The following LGSN variants were observed in gnomAD, a reference collection of about 807,000 sequenced individuals.
LGSN encodes the protein lengsin.
In LGSN, 21 loss-of-function variants were observed where a neutral mutation model predicts 19.5. That is an observed-to-expected ratio of 1.07 (90% confidence interval 0.76 to 1.55). LGSN has a LOEUF of 1.55. Among genes scored for constraint, LGSN ranks in the 40% most tolerant of loss-of-function variants. The probability of loss-of-function intolerance (pLI) is 0.00; values close to 1 mark genes in which losing one functional copy is unlikely to be tolerated. For missense variants in LGSN, 673 were observed against 608.5 expected (o/e 1.11, Z -1.12); for synonymous variants, 257 against 215.6 (o/e 1.19, Z -1.68).
chr6:63,494,522 A>G, the LGSN span, among the ~76,000 whole-genome samples: 1 of 152,206 alleles, frequency 6.6e-6, no homozygotes, highest in East Asian at 1.9e-4. Flanking sequence ...TTACAGATTC[A>G]TATTTGAAGG....
the LGSN span, among the ~76,000 whole-genome samples, chr6:63,471,343 G>C: frequency 6.6e-6 from 1 of 151,724 alleles, no homozygotes; most frequent in African/African-American, 2.4e-5. Flanking sequence ...CTTAGGAACT[G>C]TTGAAGATTA....
At chr6:63,372,685 C>T in the LGSN span, among the ~76,000 whole-genome samples, 5 of 151,982 alleles carry the variant, frequency 3.3e-5, no homozygotes, top group African/African-American at 1.2e-4. Flanking sequence ...ATAGTAAGGA[C>T]TATATCAGCA....
the LGSN span, chr6:63,549,413 C>T: frequency 1.3e-6 from 1 of 751,758 alleles, no homozygotes; most frequent in Non-Finnish European, 2.4e-6. Flanking sequence ...GGCCGTTTCT[C>T]AAACAGGGGA....
the LGSN span, among the ~76,000 whole-genome samples, chr6:63,399,602 G>A: frequency 6.6e-6 from 1 of 151,632 alleles, no homozygotes; most frequent in Non-Finnish European, 1.5e-5. Flanking sequence ...CACCATGTTG[G>A]GCAGGCTGAT....
At chr6:63,322,662 T>C (rs911644442), upstream of LGSN, among the ~76,000 whole-genome samples, 1 of 152,202 alleles carries the variant, frequency 6.6e-6, no homozygotes, top group Non-Finnish European at 1.5e-5. Flanking sequence ...GAACTCCTGT[T>C]CACAAAGGCC....
the LGSN span, among the ~76,000 whole-genome samples, chr6:63,407,247 T>C: frequency 6.6e-6 from 1 of 151,916 alleles, no homozygotes; most frequent in Non-Finnish European, 1.5e-5. Context: ...TTTAGACCAA[T>C]ATCCTTGATG....
chr6:63,411,634 G>A, the LGSN span, among the ~76,000 whole-genome samples: 2 of 152,144 alleles, frequency 1.3e-5, no homozygotes, highest in Non-Finnish European at 2.9e-5. Context: ...GAGCCCAGGA[G>A]TTTGAGCTAA....
the LGSN span, among the ~76,000 whole-genome samples, chr6:63,360,129 C>T: frequency 5.9e-5 from 9 of 152,228 alleles, no homozygotes; most frequent in Middle Eastern, 3.4e-3. Flanking sequence ...GTGAATCTGA[C>T]GATTATGTGT....
intron 1 of LGSN, among the ~76,000 whole-genome samples, chr6:63,299,533 G>A (rs1768105197): frequency 6.6e-6 from 1 of 152,160 alleles, no homozygotes; most frequent in Non-Finnish European, 1.5e-5. Flanking sequence ...CCTTTTAGAA[G>A]TGAAATTTTA....
At chr6:63,324,313 T>C (rs1416365513), upstream of LGSN, among the ~76,000 whole-genome samples, 1 of 142,700 alleles carries the variant, frequency 7.0e-6, no homozygotes, top group African/African-American at 3.1e-5. Flanking sequence ...GGAAACACTG[T>C]TTTTTAAAGA....
At chr6:63,432,098 A>G in the LGSN span, among the ~76,000 whole-genome samples, 2 of 67,118 alleles carry the variant, frequency 3.0e-5, no homozygotes, top group Admixed American at 1.6e-4. Context: ...GGAAAGAAAG[A>G]AAGAAAGAAA....
intron 1 of LGSN, among the ~76,000 whole-genome samples, chr6:63,295,951 G>A (rs1014713500): frequency 4.6e-5 from 7 of 152,170 alleles, no homozygotes; most frequent in African/African-American, 1.7e-4. Flanking sequence ...GGGTCAAAAA[G>A]TATGCTGTAA....
the LGSN span, among the ~76,000 whole-genome samples, chr6:63,500,786 G>A: frequency 6.6e-6 from 1 of 151,666 alleles, no homozygotes. Context: ...GGAGTGCAGT[G>A]ATGCAATCTC....
the LGSN span, among the ~76,000 whole-genome samples, chr6:63,492,384 T>C: frequency 6.6e-6 from 1 of 152,228 alleles, no homozygotes; most frequent in Non-Finnish European, 1.5e-5. Context: ...TTCCACAAAA[T>C]AGGACATGTT....
chr6:63,516,270 A>G, the LGSN span, among the ~76,000 whole-genome samples: 1 of 152,334 alleles, frequency 6.6e-6, no homozygotes, highest in East Asian at 1.9e-4. Context: ...GCAAAAGTAA[A>G]GGCTTCATTG....
the LGSN span, chr6:63,549,463 G>T: frequency 2.5e-6 from 2 of 792,368 alleles, no homozygotes; most frequent in East Asian, 5.0e-5. Flanking sequence ...CACGACAGCA[G>T]GGCCGGAGCC....
chr6:63,541,213 G>A, the LGSN span, among the ~76,000 whole-genome samples: 2 of 152,056 alleles, frequency 1.3e-5, no homozygotes, highest in East Asian at 3.9e-4. Context: ...TCCATTACTA[G>A]TATCAATATC....
At chr6:63,516,215 T>A in the LGSN span, among the ~76,000 whole-genome samples, 2 of 152,200 alleles carry the variant, frequency 1.3e-5, no homozygotes, top group African/African-American at 4.8e-5. Context: ...GGCAATTCTC[T>A]AAACCTGTCA....
the LGSN span, among the ~76,000 whole-genome samples, chr6:63,387,779 C>T: frequency 1.2e-4 from 18 of 152,054 alleles, no homozygotes; most frequent in African/African-American, 3.6e-4. Flanking sequence ...CTCAGTCTCC[C>T]AGGCTCAAGC....
Sources: allele counts gnomAD v4.1 joint callset (sites outside exome capture counted in the v4.1 genomes callset), GRCh38; gene constraint gnomAD v4.1.1; transcripts MANE v1.5; gene names NCBI Gene and HGNC (gene_info 2026-07-23, HGNC 2026-07-21).